TRPM3: variants seen among roughly 807,000 people sequenced by gnomAD.
TRPM3 encodes the protein transient receptor potential cation channel subfamily M member 3, also known as long transient receptor potential channel 3.
A neutral mutation model predicts 181.2 loss-of-function variants in TRPM3; 77 were observed. That is an observed-to-expected ratio of 0.42 (90% CI 0.35 to 0.51). The LOEUF (loss-of-function observed/expected upper bound fraction) is 0.51. TRPM3 is among the 20% of genes least tolerant of loss of function. TRPM3 has a pLI of 0.01. For synonymous variants in TRPM3, 745 were observed against 796.4 expected (o/e 0.94, Z 1.09); for missense variants, 1,759 against 2,196.7 (o/e 0.80, Z 3.98).
At chr9:70,563,236 C>T (rs766925961) in intron 22 of TRPM3, among the ~76,000 whole-genome samples, 4 of 152,198 alleles carry the variant, frequency 2.6e-5, no homozygotes, top group Non-Finnish European at 5.9e-5. Flanking sequence ...GAGGTGATAG[C>T]CCGCTGACCT....
chr9:71,334,028 C>T lies in TRPM3; in HGVS notation c.183+112625G>A, dbSNP rs978532757. Among the ~76,000 whole-genome samples, 78 of 151,766 alleles carry T rather than the reference C, an allele frequency of 5.1e-4. 2 individuals are homozygous for T. Among genetic ancestry groups the T allele is most frequent in the African/African-American group, 1.8e-3 (75 of 41,292 alleles). ...GCCAGAGATGATGACCGAAAGTGAGCATTCATTGATAAATCTGTGGAATGA... is the reference window on the plus strand; with the variant it reads ...GCCAGAGATGATGACCGAAAGTGAGTATTCATTGATAAATCTGTGGAATGA... On this transcript the variant is annotated intron_variant, in intron 1 of 24. Coordinates refer to the TRPM3 transcript ENST00000357533.
intron 9 of TRPM3, among the ~76,000 whole-genome samples, chr9:70,641,627 A>G (rs2058074629): frequency 6.6e-6 from 1 of 152,224 alleles, no homozygotes; most frequent in African/African-American, 2.4e-5. Context: ...AATTAAAGTT[A>G]TAATTCCTCA....
chr9:71,432,323 C>CTTTTTTTTTTTTTTTTTTT (rs67905820), intron 1 of TRPM3, among the ~76,000 whole-genome samples: 1 of 76,620 alleles, frequency 1.3e-5, no homozygotes. Flanking sequence ...AAAAGTAGGA[C>CTTTTTTTTTTTTTTTTTTT]TTTTTTTTTT....
At chr9:71,321,000 A>T (rs938917826) in intron 1 of TRPM3, among the ~76,000 whole-genome samples, 1 of 152,006 alleles carries the variant, frequency 6.6e-6, no homozygotes, top group African/African-American at 2.4e-5. Context: ...TTTACTCTCT[A>T]AGCACAGTCT....
chr9:71,063,059 C>A (rs1187753827), intron 1 of TRPM3, among the ~76,000 whole-genome samples: 1 of 152,096 alleles, frequency 6.6e-6, no homozygotes, highest in Non-Finnish European at 1.5e-5. Flanking sequence ...ACATGGAAGA[C>A]AAACCTTGCT....
intron 6 of TRPM3, among the ~76,000 whole-genome samples, chr9:70,792,726 T>C (rs1035561704): frequency 1.3e-5 from 2 of 152,008 alleles, no homozygotes; most frequent in Non-Finnish European, 2.9e-5. Flanking sequence ...TTCAGGCCTA[T>C]TTATAGTCAC....
chr9:70,816,917 T>C (rs1339070281), intron 6 of TRPM3, among the ~76,000 whole-genome samples: 1 of 152,228 alleles, frequency 6.6e-6, no homozygotes. Flanking sequence ...GCAAGACTTA[T>C]CACTAAGAAG....
chr9:70,698,911 T>C (rs919236581), intron 8 of TRPM3, among the ~76,000 whole-genome samples: 1 of 152,208 alleles, frequency 6.6e-6, no homozygotes, highest in Non-Finnish European at 1.5e-5. Context: ...GCTGATATGC[T>C]TCCTGTACAG....
intron 9 of TRPM3, among the ~76,000 whole-genome samples, chr9:70,655,645 T>C (rs2060236570): frequency 6.6e-6 from 1 of 152,170 alleles, no homozygotes; most frequent in African/African-American, 2.4e-5. Flanking sequence ...GTTTCTACAA[T>C]TTTATGTTTA....
Position 70,765,314 on chromosome 9 carries a change from G to A in TRPM3, c.1149-3590C>T, listed in dbSNP as rs538061211. Among the ~76,000 whole-genome samples, 17 of 152,304 alleles carry A rather than the reference G, an allele frequency of 1.1e-4. No homozygotes were observed. In the South Asian group the frequency reaches 3.5e-3, roughly 32 times the overall value. ...GTTTGAAGGGTATATTTGCGGGCCG[G>A]GTTTGGTGGCTTATGCCTGTAATCC... On this transcript the variant is annotated intron_variant, in intron 7 of 25. Coordinates refer to ENST00000677713, the MANE Select transcript of TRPM3 (RefSeq NM_001366145.2).
intron 1 of TRPM3, among the ~76,000 whole-genome samples, chr9:71,230,168 T>A (rs551186753): frequency 6.6e-6 from 1 of 152,180 alleles, no homozygotes; most frequent in South Asian, 2.1e-4. Flanking sequence ...TGCAACAACA[T>A]GGATAGAACT....
rs188280841 is a variant in TRPM3, at chr9:70,903,892, G to A, written c.178-39381C>T. ...AAAAGAATGTCTTCTCTGGAATGTA[G>A]AATTGTATAGGATTTTAAATTGTCA... On this transcript the variant is annotated intron_variant, in intron 1 of 25. Coordinates refer to ENST00000677713, the MANE Select transcript of TRPM3 (RefSeq NM_001366145.2). Among the ~76,000 whole-genome samples the A allele has an allele frequency of 6.6e-5, 10 of 152,046 alleles. 1 individual carries two copies. The East Asian group carries it at 1.4e-3, about 21-fold the overall frequency.
chr9:70,689,933 G>T (rs1274167611), intron 8 of TRPM3, among the ~76,000 whole-genome samples: 1 of 152,058 alleles, frequency 6.6e-6, no homozygotes, highest in Non-Finnish European at 1.5e-5. Context: ...AGGTCTTACA[G>T]TTAAATAAGA....
intron 9 of TRPM3, among the ~76,000 whole-genome samples, chr9:70,655,592 C>T (rs530666952): frequency 1.1e-4 from 16 of 152,038 alleles, no homozygotes; most frequent in Middle Eastern, 6.8e-3. Flanking sequence ...TCTTTGTGTG[C>T]GTGATTATAT....
chr9:71,275,902 C>T (rs949684400), intron 1 of TRPM3, among the ~76,000 whole-genome samples: 22 of 150,166 alleles, frequency 1.5e-4, no homozygotes, highest in African/African-American at 2.0e-4. Context: ...AGTGCTGTGG[C>T]GTGATCTTGG....
At chr9:71,228,472 TAGAGCAATC>T (rs2080837807) in intron 1 of TRPM3, among the ~76,000 whole-genome samples, 1 of 151,678 alleles carries the variant, frequency 6.6e-6, no homozygotes, top group African/African-American at 2.4e-5. Flanking sequence ...AAATCCTACC[TAGAGCAATC>T]AGACAAGAGA....
At chr9:71,218,401 G>T (rs1233129873) in intron 1 of TRPM3, among the ~76,000 whole-genome samples, 1 of 152,150 alleles carries the variant, frequency 6.6e-6, no homozygotes, top group East Asian at 1.9e-4. Flanking sequence ...ACCATTTTTA[G>T]ATGAGTAAAT....
intron 1 of TRPM3, among the ~76,000 whole-genome samples, chr9:70,960,131 T>TC (rs574888632): frequency 7.8e-4 from 119 of 152,300 alleles, no homozygotes; most frequent in African/African-American, 2.8e-3. Context: ...TTCTTTTTTT[T>TC]TTTTTTTAAC....
At chr9:71,210,495 T>C (rs1414547643) in intron 1 of TRPM3, among the ~76,000 whole-genome samples, 1 of 152,124 alleles carries the variant, frequency 6.6e-6, no homozygotes. Flanking sequence ...GCCCAAAAGG[T>C]CAAGGATCAC....
Sources: gnomAD v4.1 joint callset for allele counts (sites outside exome capture counted in the v4.1 genomes callset) on GRCh38, gnomAD v4.1.1 for gene constraint, MANE v1.5 for transcripts, NCBI Gene and HGNC (gene_info 2026-07-23, HGNC 2026-07-21) for gene names.